Variants in LRGUK observed in about 807,000 individuals in gnomAD.
LRGUK encodes leucine rich repeats and guanylate kinase domain containing.
In LRGUK, 65 loss-of-function variants were observed where a neutral mutation model predicts 76.0. The observed-to-expected ratio is 0.85, with a 90% CI of 0.70 to 1.05. The LOEUF is 1.05. Ranked by LOEUF, LRGUK falls within the 50% of genes least tolerant of loss-of-function variation. The pLI is 0.00. For missense variants in LRGUK, 758 were observed against 732.8 expected, an observed-to-expected ratio of 1.03 and a Z score of -0.40; for synonymous variants, 268 against 265.6, an observed-to-expected ratio of 1.01 and a Z score of -0.09.
At chr7:134,253,587 G>A (rs1802498425) in intron 18 of LRGUK, among the ~76,000 whole-genome samples, 1 of 152,192 alleles carries the variant, frequency 6.6e-6, no homozygotes, top group Non-Finnish European at 1.5e-5. Flanking sequence ...GGCCCAGGAG[G>A]GTAGATCACT....
In LRGUK at chr7:134,157,780, C is replaced by T. The variant is rs550233718; in HGVS notation, c.671-255C>T. On this transcript the variant is annotated intron_variant, in intron 5 of 15. Coordinates refer to ENST00000645682, the Ensembl canonical transcript of LRGUK. ...CCTCATGATGTGCCCACCTCGGCCT[C>T]CCAAAGTGCTGAGATTACAGGCGTG... is the stretch of plus-strand genomic sequence containing the variant. Among the ~76,000 whole-genome samples, 214 of 152,306 alleles carry T rather than the reference C, an allele frequency of 1.4e-3. 1 individual carries two copies. The highest frequency in any genetic ancestry group is 2.6e-3 in the Non-Finnish European group (176 of 68,026).
At chr7:134,159,199 G>A (rs1382705013) in intron 6 of LRGUK, among the ~76,000 whole-genome samples, 1 of 151,872 alleles carries the variant, frequency 6.6e-6, no homozygotes, top group Admixed American at 6.6e-5. Flanking sequence ...TGCTGGGCAT[G>A]GTGGCACAAG....
At chr7:134,226,725 T>C (rs1801773520) in intron 16 of LRGUK, among the ~76,000 whole-genome samples, 1 of 152,194 alleles carries the variant, frequency 6.6e-6, no homozygotes, top group Admixed American at 6.5e-5. Flanking sequence ...GTAAAGTACA[T>C]ACAGAGAAAT....
chr7:134,261,337 A>G (rs975759998), intron 19 of LRGUK, among the ~76,000 whole-genome samples: 3 of 151,414 alleles, frequency 2.0e-5, no homozygotes, highest in Non-Finnish European at 2.9e-5. Context: ...TCTTTTTATC[A>G]TTTTGGTTTG....
At chr7:134,137,084 G>T (rs146200902) in exon 2 of LRGUK, 4 of 1,613,110 alleles carry the variant, frequency 2.5e-6, no homozygotes, top group East Asian at 2.2e-5. Flanking sequence ...CACTTGGGGC[G>T]CTCAGGCTCT....
chr7:134,134,582 T>A (rs1343213214), intron 1 of LRGUK, among the ~76,000 whole-genome samples: 3 of 152,150 alleles, frequency 2.0e-5, no homozygotes, highest in African/African-American at 7.2e-5. Flanking sequence ...TCCATGTCAA[T>A]GGCTAAGTTG....
intron 15 of LRGUK, among the ~76,000 whole-genome samples, chr7:134,206,319 A>T (rs981516547): frequency 1.3e-5 from 2 of 152,198 alleles, no homozygotes; most frequent in Non-Finnish European, 2.9e-5. Flanking sequence ...GGTCGAGACC[A>T]TCCTGGCCAA....
At position 134,150,594 on chromosome 7, in the gene LRGUK, T is replaced by G. The variant is rs148779807; in HGVS notation, c.670+2275T>G. On this transcript the variant is annotated intron_variant, in intron 5 of 15. Coordinates refer to ENST00000645682, the Ensembl canonical transcript of LRGUK. ...ATTAGGGTTCCCTGAATGCTGATGATGCCATGGCAGTCTGGAGTTTGTTAT... is the reference window on the plus strand; with the variant it reads ...ATTAGGGTTCCCTGAATGCTGATGAGGCCATGGCAGTCTGGAGTTTGTTAT... 1.7e-3 allele frequency among the ~76,000 whole-genome samples: 259 copies of G among 152,308 alleles called. 1 individual carries two copies. The highest frequency in any genetic ancestry group is 5.9e-3 in the African/African-American group (246 of 41,570).
intron 5 of LRGUK, among the ~76,000 whole-genome samples, chr7:134,153,259 A>G (rs1326191657): frequency 1.3e-5 from 2 of 152,116 alleles, no homozygotes; most frequent in Non-Finnish European, 2.9e-5. Flanking sequence ...TAATTGTAGT[A>G]GATTATATCT....
At chr7:134,273,381 C>T in the LRGUK span, among the ~76,000 whole-genome samples, 1 of 152,164 alleles carries the variant, frequency 6.6e-6, no homozygotes, top group Non-Finnish European at 1.5e-5. Context: ...TGAGGTTATG[C>T]CTCTGAAGTA....
chr7:134,195,826 G>A (rs997750384), intron 12 of LRGUK, among the ~76,000 whole-genome samples: 1 of 152,144 alleles, frequency 6.6e-6, no homozygotes, highest in Admixed American at 6.5e-5. Context: ...TTATTGTTGA[G>A]TTTTTAACTT....
intron 15 of LRGUK, among the ~76,000 whole-genome samples, chr7:134,203,113 G>C (rs563167052): frequency 1.3e-5 from 2 of 152,186 alleles, no homozygotes; most frequent in South Asian, 4.2e-4. Context: ...TGAGGCAGGA[G>C]AATTGCTTGA....
intron 15 of LRGUK, among the ~76,000 whole-genome samples, chr7:134,204,155 G>T (rs749191257): frequency 3.4e-4 from 52 of 152,240 alleles, no homozygotes; most frequent in Middle Eastern, 3.4e-3. Flanking sequence ...GCCACTGACT[G>T]GGGGGGCTTG....
At chr7:134,253,393 T>C (rs1802493055) in intron 18 of LRGUK, among the ~76,000 whole-genome samples, 2 of 152,176 alleles carry the variant, frequency 1.3e-5, no homozygotes, top group Non-Finnish European at 2.9e-5. Flanking sequence ...ATATGATATA[T>C]GAAGATGCAG....
rs1798829475 is a variant in LRGUK, at chr7:134,163,287, T to G, written c.796-110T>G. The G allele has an allele frequency of 2.1e-5, 20 of 959,260 alleles. No homozygotes were observed. In the South Asian group the frequency reaches 4.3e-4, roughly 21 times the overall value. 59.4% of individuals were successfully genotyped at this position (959,260 alleles called of 1,614,324 possible). On this transcript the variant is annotated intron_variant, in intron 6 of 15. Transcript: ENST00000645682. ...GATGGAGGGAAGGACAAGAATGCCT[T>G]CTTGATTTTTTTTAGAGAGATTTGG... is the stretch of plus-strand genomic sequence containing the variant.
At chr7:134,148,695 G>C (rs2116871364) in intron 5 of LRGUK, among the ~76,000 whole-genome samples, 1 of 152,260 alleles carries the variant, frequency 6.6e-6, no homozygotes, top group South Asian at 2.1e-4. Context: ...GGAGGCCAAG[G>C]CAGGTGGATC....
At chr7:134,172,695 A>G (rs1799307814) in intron 7 of LRGUK, among the ~76,000 whole-genome samples, 1 of 152,210 alleles carries the variant, frequency 6.6e-6, no homozygotes, top group South Asian at 2.1e-4. Context: ...AAACAAGAGC[A>G]GGCCAGTGTG....
At chr7:134,148,833 T>G (rs1309634798) in intron 5 of LRGUK, among the ~76,000 whole-genome samples, 2 of 151,876 alleles carry the variant, frequency 1.3e-5, no homozygotes, top group African/African-American at 4.8e-5. Context: ...GAGAATTGCT[T>G]GAACCAGGGA....
In LRGUK at chr7:134,261,455, T is replaced by C. The variant is rs573712370; in HGVS notation, c.2348-2390T>C. 2.5e-4 allele frequency among the ~76,000 whole-genome samples: 38 copies of C among 152,308 alleles called. 1 individual carries two copies. The highest frequency in any genetic ancestry group is 3.5e-4 in the Non-Finnish European group (24 of 68,028). On this transcript the variant is annotated intron_variant, in intron 19 of 19. Transcript: ENST00000285928. ...CCCTATTAATCTCCCATATTCTCTA[T>C]AGATTTTTGAAATCTATAAAACCAA...
Sources: gnomAD v4.1 joint callset for allele counts (sites outside exome capture counted in the v4.1 genomes callset) on GRCh38, gnomAD v4.1.1 for gene constraint, MANE v1.5 for transcripts, NCBI Gene and HGNC (gene_info 2026-07-23, HGNC 2026-07-21) for gene names.